TMEM156: variants seen among roughly 807,000 people sequenced by gnomAD.
TMEM156 encodes the protein transmembrane protein 156.
In TMEM156, 28 loss-of-function variants were observed where a neutral mutation model predicts 30.5. The observed-to-expected ratio is 0.92, with a 90% confidence interval of 0.68 to 1.26. The LOEUF (loss-of-function observed/expected upper bound fraction) is 1.26. Among genes scored for constraint, TMEM156 ranks in the 50% most tolerant of loss-of-function variants. The pLI is 0.00. For missense variants in TMEM156, 351 were observed against 340.6 expected (o/e 1.03, Z -0.24); for synonymous variants, 137 against 119.9 (o/e 1.14, Z -0.93).
At chr4:39,017,207 C>A (rs577075804) in intron 1 of TMEM156, among the ~76,000 whole-genome samples, 1 of 116,460 alleles carries the variant, frequency 8.6e-6, no homozygotes, top group Non-Finnish European at 1.6e-5. Context: ...CAGAGTCTCG[C>A]TCTGTCTCCC....
intron 1 of TMEM156, among the ~76,000 whole-genome samples, chr4:39,006,966 C>A (rs905256828): frequency 3.7e-4 from 56 of 151,768 alleles, no homozygotes; most frequent in African/African-American, 1.3e-3. Flanking sequence ...AACAAAAAAA[C>A]AAAAACATGG....
intron 5 of TMEM156, among the ~76,000 whole-genome samples, chr4:38,976,015 A>G (rs1348602823): frequency 6.6e-6 from 1 of 151,476 alleles, no homozygotes; most frequent in Non-Finnish European, 1.5e-5. Context: ...GGCTGGGCGC[A>G]GTGGCTCACG....
At chr4:38,989,511 T>C (rs1712260253) in intron 3 of TMEM156, among the ~76,000 whole-genome samples, 1 of 152,236 alleles carries the variant, frequency 6.6e-6, no homozygotes, top group Non-Finnish European at 1.5e-5. Context: ...TACAGTGCTT[T>C]GCACGCCAAT....
At chr4:39,008,306 T>G (rs1424141990) in intron 1 of TMEM156, among the ~76,000 whole-genome samples, 2 of 152,142 alleles carry the variant, frequency 1.3e-5, no homozygotes, top group African/African-American at 4.8e-5. Flanking sequence ...CCTAGTTTGC[T>G]GGGAATTTTT....
chr4:39,027,687 C>T (rs897299545), intron 1 of TMEM156, among the ~76,000 whole-genome samples: 2 of 150,928 alleles, frequency 1.3e-5, no homozygotes, highest in East Asian at 3.9e-4. Flanking sequence ...TCCAGAGTAG[C>T]TGGGATTACA....
intron 5 of TMEM156, among the ~76,000 whole-genome samples, chr4:38,975,362 T>C (rs1722796370): frequency 6.7e-6 from 1 of 150,116 alleles, no homozygotes; most frequent in African/African-American, 2.5e-5. Context: ...TCTGTGATTT[T>C]TTTTCTTTTC....
chr4:38,989,040 T>C, intron 3 of TMEM156, 70 bp from the exon 4 acceptor site: 1 of 1,502,462 alleles, frequency 6.7e-7, no homozygotes, highest in South Asian at 1.2e-5. Context: ...TGTGGCAGTG[T>C]AGCTGAGTTC....
Position 38,993,986 on chromosome 4 carries a change from C to T in TMEM156, c.371G>A (p.Arg124Lys). ...QEQTSKVLIRRGSMEVKANDF... is the reference protein window; with the variant it reads ...QEQTSKVLIRKGSMEVKANDF... The stretch of plus-strand genomic sequence containing the variant: ...ATTTGCTTTCACTTCCATTGATCCT[C>T]TCCTGATAAGAACTAGAAAGTGATT... Residue 124 changes from arginine (R) to lysine (K), a missense_variant, in exon 3 of 7, where the codon AGA (arginine) becomes AAA (lysine). Transcript: ENST00000381938. The T allele has an allele frequency of 6.2e-7, 1 of 1,612,772 alleles. No homozygotes were observed. The highest frequency in any genetic ancestry group is 8.5e-7 in the Non-Finnish European group (1 of 1,178,870).
intron 1 of TMEM156, among the ~76,000 whole-genome samples, chr4:39,024,841 C>A (rs1266231412): frequency 6.6e-6 from 1 of 152,190 alleles, no homozygotes; most frequent in Non-Finnish European, 1.5e-5. Flanking sequence ...TAAAAAACAT[C>A]TTTCCATTTT....
At chr4:39,027,034 C>A (rs955512134) in intron 1 of TMEM156, among the ~76,000 whole-genome samples, 1 of 152,160 alleles carries the variant, frequency 6.6e-6, no homozygotes, top group Non-Finnish European at 1.5e-5. Flanking sequence ...TCAGAACATT[C>A]TCTCTTGAGA....
chr4:38,989,862 C>T (rs538709702), intron 3 of TMEM156, among the ~76,000 whole-genome samples: 10 of 152,010 alleles, frequency 6.6e-5, no homozygotes, highest in Non-Finnish European at 1.5e-4. Flanking sequence ...TGCAATGGCG[C>T]GATCTCAGCT....
intron 6 of TMEM156, among the ~76,000 whole-genome samples, chr4:38,969,934 G>A (rs1301552835): frequency 6.6e-6 from 1 of 152,190 alleles, no homozygotes; most frequent in Non-Finnish European, 1.5e-5. Context: ...TAGCGGGATT[G>A]CTGAATGGAA....
At chr4:39,014,870 A>G (rs1203980229) in intron 1 of TMEM156, among the ~76,000 whole-genome samples, 1 of 152,154 alleles carries the variant, frequency 6.6e-6, no homozygotes, top group Non-Finnish European at 1.5e-5. Flanking sequence ...AAAAAATTAC[A>G]TAAAATTACA....
At chr4:39,004,776 A>G (rs1370233238) in intron 1 of TMEM156, among the ~76,000 whole-genome samples, 2 of 152,166 alleles carry the variant, frequency 1.3e-5, no homozygotes, top group Admixed American at 6.6e-5. Context: ...ACTCTCATAC[A>G]TTGCTGGTAG....
chr4:38,996,164 A>T (rs565883378), intron 2 of TMEM156, among the ~76,000 whole-genome samples: 1 of 152,122 alleles, frequency 6.6e-6, no homozygotes, highest in Admixed American at 6.5e-5. Context: ...GCCTATTGAT[A>T]TATGTGAAAA....
At chr4:39,012,931 CTG>C (rs1415125845) in intron 1 of TMEM156, among the ~76,000 whole-genome samples, 1 of 148,174 alleles carries the variant, frequency 6.7e-6, no homozygotes, top group African/African-American at 2.5e-5. Flanking sequence ...CAGATTGAGA[CTG>C]TGTCTCAGAA....
chr4:38,981,362 C>T (rs1250826795), intron 5 of TMEM156, among the ~76,000 whole-genome samples: 1 of 152,166 alleles, frequency 6.6e-6, no homozygotes, highest in African/African-American at 2.4e-5. Flanking sequence ...TCTTTTGCTT[C>T]GTGTTCCCTC....
rs546818476 is a variant in TMEM156 at position 38,983,996 on chromosome 4, A to G, written c.823+2340T>C. ...TGCTAGCAACAACACTCCACAGATA[A>G]ATAAGACAGAGATCACGTGTGTGAA... On this transcript the variant is annotated intron_variant, in intron 5 of 6. Transcript: ENST00000381938. Among the ~76,000 whole-genome samples, 17 of 152,346 alleles carry G rather than the reference A, an allele frequency of 1.1e-4. 1 individual carries two copies. The East Asian group carries it at 2.1e-3, about 19-fold the overall frequency.
chr4:39,011,063 A>G (rs981953000), intron 1 of TMEM156, among the ~76,000 whole-genome samples: 42 of 152,298 alleles, frequency 2.8e-4, no homozygotes, highest in African/African-American at 9.4e-4. Flanking sequence ...AAACAAACCA[A>G]CAAGAAAAAA....
Sources: allele counts gnomAD v4.1 joint callset (sites outside exome capture counted in the v4.1 genomes callset), GRCh38; gene constraint gnomAD v4.1.1; transcripts MANE v1.5; gene names NCBI Gene and HGNC (gene_info 2026-07-23, HGNC 2026-07-21).